Variants in PCBP3 observed in about 807,000 individuals in gnomAD.
PCBP3 encodes the protein poly(rC) binding protein 3, also known as poly(rC)-binding protein 3.
Under a neutral mutation model 52.7 loss-of-function variants are expected in PCBP3, and 25 were observed. The observed-to-expected ratio is 0.47, with a 90% CI of 0.35 to 0.66. PCBP3 has a LOEUF of 0.66. Ranked by LOEUF, PCBP3 falls within the 30% of genes least tolerant of loss-of-function variation. The pLI is 0.01. For missense variants in PCBP3, 391 were observed against 490.3 expected, an observed-to-expected ratio of 0.80 and a Z score of 1.91; for synonymous variants, 162 against 183.0, an observed-to-expected ratio of 0.89 and a Z score of 0.93.
chr21:45,798,842 AATGGATGTGTAC>A (rs2092153119), intron 4 of PCBP3, among the ~76,000 whole-genome samples: 1 of 146,040 alleles, frequency 6.8e-6, no homozygotes, highest in Non-Finnish European at 1.5e-5. Context: ...AGAGAGAGTG[AATGGATGTGTAC>A]ATGGATGAAT....
chr21:45,833,868 C>T (rs1301791110), intron 4 of PCBP3, among the ~76,000 whole-genome samples: 2 of 152,248 alleles, frequency 1.3e-5, no homozygotes, highest in African/African-American at 4.8e-5. Context: ...GAACACCTGA[C>T]TCCCTTTTAA....
At chr21:45,748,027 G>C (rs1181986705) in intron 3 of PCBP3, 1 of 152,410 alleles carries the variant, frequency 6.6e-6, no homozygotes, top group South Asian at 2.1e-4. Flanking sequence ...CTGTCTGGCG[G>C]CCCTGCGTGC....
At chr21:45,850,835 A>C (rs2093967976) in intron 5 of PCBP3, among the ~76,000 whole-genome samples, 2 of 152,240 alleles carry the variant, frequency 1.3e-5, no homozygotes, top group African/African-American at 4.8e-5. Context: ...ATCTGTCTAT[A>C]ACACAGCATG....
At position 45,724,219 on chromosome 21, in the gene PCBP3, C is replaced by T. The variant is rs1037327057; in HGVS notation, c.-199-11173C>T. Among the ~76,000 whole-genome samples, 5 of 152,208 alleles carry T rather than the reference C, an allele frequency of 3.3e-5. No individual in the cohort carries two copies. The highest frequency in any genetic ancestry group is 1.2e-4 in the African/African-American group (5 of 41,442). On this transcript the variant is annotated intron_variant, in intron 2 of 17. Transcript: ENST00000681687. This position sits in a 1 kb window ranked among gnomAD's most constrained non-coding sequence, Gnocchi z 5.3. ...TTATTGAGATCTGTTGAAGTCTGAG[C>T]TCCTATTAACACATTTATCGAAAAT...
In PCBP3 at chr21:45,892,152, C is replaced by A. The variant is rs59234892; in HGVS notation, c.11-4056C>A. ...GCGGAGGCTTTTAGCAGGACCGCGG[C>A]GTCCTTCCTACGAGGTGGGCGCTGT... On this transcript the variant is annotated intron_variant, in intron 5 of 17. Transcript: ENST00000681687. Among the ~76,000 whole-genome samples, 276 of 152,172 alleles carry A rather than the reference C, an allele frequency of 1.8e-3. 1 individual carries two copies. The highest frequency in any genetic ancestry group is 9.1e-3 in the East Asian group (47 of 5,168).
intron 4 of PCBP3, among the ~76,000 whole-genome samples, chr21:45,840,354 G>C (rs951345390): frequency 3.3e-5 from 5 of 151,488 alleles, no homozygotes; most frequent in African/African-American, 1.2e-4. Context: ...CTACTCAGGA[G>C]GCTGAGGCAG....
intron 2 of PCBP3, among the ~76,000 whole-genome samples, chr21:45,708,971 C>T (rs926583691): frequency 2.0e-5 from 3 of 152,246 alleles, no homozygotes; most frequent in African/African-American, 7.2e-5. Context: ...GCCTGAGCTT[C>T]AGTGCCTGGT....
At chr21:45,867,312 C>A (rs3788216) in intron 5 of PCBP3, among the ~76,000 whole-genome samples, 21,406 of 152,188 alleles carry the variant, frequency 0.14, 1,689 homozygotes, top group Middle Eastern at 0.28. Flanking sequence ...CCCACGAATC[C>A]GCGTGAAAGC....
intron 15 of PCBP3, among the ~76,000 whole-genome samples, chr21:45,934,782 G>A (rs894649436): frequency 2.6e-5 from 4 of 152,170 alleles, no homozygotes; most frequent in Non-Finnish European, 4.4e-5. Flanking sequence ...GGGTAGAGCC[G>A]TGTGGGCCTC....
chr21:45,884,004 C>T (rs61276251), intron 5 of PCBP3, among the ~76,000 whole-genome samples: 21,371 of 152,164 alleles, frequency 0.14, 1,680 homozygotes, highest in Middle Eastern at 0.28. Context: ...GTAGTGTGAT[C>T]ATGGCTCACT....
At chr21:45,681,378 G>A (rs1195662769) in intron 2 of PCBP3, among the ~76,000 whole-genome samples, 1 of 152,180 alleles carries the variant, frequency 6.6e-6, no homozygotes, top group Non-Finnish European at 1.5e-5. Flanking sequence ...AAATACTGGA[G>A]CAGTTTTCCA....
intron 14 of PCBP3, among the ~76,000 whole-genome samples, chr21:45,930,351 C>G (rs74337180): frequency 1.3e-5 from 2 of 152,156 alleles, no homozygotes; most frequent in Non-Finnish European, 2.9e-5. Flanking sequence ...ACTGGGCCGC[C>G]CTGGAGGCTT....
At chr21:45,811,689 A>ATATTTTTTGC (rs1474679634) in intron 4 of PCBP3, among the ~76,000 whole-genome samples, 4 of 152,182 alleles carry the variant, frequency 2.6e-5, no homozygotes, top group Non-Finnish European at 5.9e-5. Flanking sequence ...GCTTGCTAGG[A>ATATTTTTTGC]TCAGTATTTG....
intron 4 of PCBP3, among the ~76,000 whole-genome samples, chr21:45,824,370 G>A (rs893920424): frequency 2.6e-5 from 4 of 152,188 alleles, no homozygotes; most frequent in Non-Finnish European, 5.9e-5. Flanking sequence ...CTAACTAAGA[G>A]ACTCAGGGCA....
At position 45,880,975 on chromosome 21, in the gene PCBP3, G is replaced by A. The variant is rs1249451691; in HGVS notation, c.11-15233G>A. On this transcript the variant is annotated intron_variant, in intron 5 of 17. Transcript: ENST00000681687. The surrounding 1 kb of genome is among the most constrained non-coding windows in gnomAD (Gnocchi z 5.4). ...CCAAGCTTAGAAGCTCACTGGCAGCGTCAGGCAGCTCATGCCCAGCCAAGT... is the reference window on the plus strand; with the variant it reads ...CCAAGCTTAGAAGCTCACTGGCAGCATCAGGCAGCTCATGCCCAGCCAAGT... Among the ~76,000 whole-genome samples the A allele has an allele frequency of 3.3e-5, 5 of 152,308 alleles. No homozygotes were observed. Among genetic ancestry groups the A allele is most frequent in the East Asian group, 1.9e-4 (1 of 5,182 alleles).
intron 9 of PCBP3, among the ~76,000 whole-genome samples, chr21:45,909,012 A>G (rs1157931379): frequency 6.6e-6 from 1 of 151,084 alleles, no homozygotes; most frequent in Non-Finnish European, 1.5e-5. Flanking sequence ...TCCAGCCTCC[A>G]TTCTCCCCTC....
chr21:45,893,639 G>A (rs898690734), intron 5 of PCBP3: 6 of 666,030 alleles, frequency 9.0e-6, no homozygotes, highest in Non-Finnish European at 1.1e-5. Context: ...TGGGGACCCA[G>A]GCCCTCACGG....
intron 4 of PCBP3, among the ~76,000 whole-genome samples, chr21:45,810,580 T>C (rs1400973881): frequency 6.6e-6 from 1 of 152,158 alleles, no homozygotes; most frequent in Admixed American, 6.5e-5. Context: ...TTGGACTTTT[T>C]TCACTAATAT....
intron 2 of PCBP3, among the ~76,000 whole-genome samples, chr21:45,694,414 G>C (rs2082652385): frequency 6.6e-6 from 1 of 152,024 alleles, no homozygotes; most frequent in Non-Finnish European, 1.5e-5. Context: ...AAACAAACTG[G>C]AATAACTTTA....
Sources: gnomAD v4.1 joint callset for allele counts (sites outside exome capture counted in the v4.1 genomes callset) on GRCh38, gnomAD v4.1.1 for gene constraint, Gnocchi (gnomAD v3.1) non-coding constraint, MANE v1.5 for transcripts, NCBI Gene and HGNC (gene_info 2026-07-23, HGNC 2026-07-21) for gene names.